The following SDCCAG8 variants were observed in gnomAD, a reference collection of about 807,000 sequenced individuals.
SDCCAG8 encodes serologically defined colon cancer antigen 8.
In SDCCAG8, 74 loss-of-function variants were observed where a neutral mutation model predicts 101.8. That is an observed-to-expected ratio of 0.73 (90% CI 0.60 to 0.88). SDCCAG8 has a LOEUF of 0.88. Among genes scored for constraint, SDCCAG8 ranks in the 40% least tolerant of loss-of-function variants. The pLI, the probability that SDCCAG8 is intolerant of heterozygous loss-of-function variation, is 0.00. For missense variants in SDCCAG8, 787 were observed against 822.6 expected (o/e 0.96, Z 0.53); for synonymous variants, 281 against 292.9 (o/e 0.96, Z 0.41).
intron 16 of SDCCAG8, among the ~76,000 whole-genome samples, chr1:243,485,304 A>G (rs187132572): frequency 9.8e-5 from 15 of 152,318 alleles, no homozygotes; most frequent in Admixed American, 8.5e-4. Context: ...TTTAATTAAG[A>G]TAATTATTGA....
chr1:243,327,305 T>A (rs2074228203), intron 9 of SDCCAG8, among the ~76,000 whole-genome samples: 1 of 146,086 alleles, frequency 6.8e-6, no homozygotes, highest in African/African-American at 2.6e-5. Flanking sequence ...TTATAATTTA[T>A]AATTTTATAG....
intron 17 of SDCCAG8, among the ~76,000 whole-genome samples, chr1:243,496,234 A>G (rs1338198346): frequency 6.6e-6 from 1 of 152,244 alleles, no homozygotes. Context: ...CTCAGGCCAC[A>G]GGATGTGTGG....
chr1:243,414,249 G>T (rs1444725454), intron 13 of SDCCAG8, among the ~76,000 whole-genome samples: 2 of 152,062 alleles, frequency 1.3e-5, no homozygotes, highest in Non-Finnish European at 2.9e-5. Flanking sequence ...CATCTTACAG[G>T]GGGATTGAGT....
intron 13 of SDCCAG8, among the ~76,000 whole-genome samples, chr1:243,382,612 G>A (rs2078027248): frequency 6.6e-6 from 1 of 152,136 alleles, no homozygotes; most frequent in African/African-American, 2.4e-5. Context: ...CTCCTCAGGA[G>A]GCTGTTTAGT....
In SDCCAG8 at chr1:243,458,643, A is replaced by G. The variant is rs924503737; in HGVS notation, c.1986-30371A>G. On this transcript the variant is annotated intron_variant, in intron 16 of 17. Coordinates refer to ENST00000366541, the MANE Select transcript of SDCCAG8 (RefSeq NM_006642.5). This position sits in a 1 kb window ranked among gnomAD's most constrained non-coding sequence, Gnocchi z 4.5. Reference sequence around the variant, plus strand: ...GAAGGTCACACAGCTACTATGTGATAGATGCCAAACGTGAACCTGGGCAGT... The same window carrying G: ...GAAGGTCACACAGCTACTATGTGATGGATGCCAAACGTGAACCTGGGCAGT... 6.6e-6 allele frequency among the ~76,000 whole-genome samples: 1 copy of G among 152,236 alleles called. No individual in the cohort carries two copies. Among genetic ancestry groups the G allele is most frequent in the Admixed American group, 6.5e-5 (1 of 15,288 alleles).
At chr1:243,278,441 G>C (rs757119635) in intron 4 of SDCCAG8, among the ~76,000 whole-genome samples, 1 of 152,176 alleles carries the variant, frequency 6.6e-6, no homozygotes, top group South Asian at 2.1e-4. Flanking sequence ...GGCTGCTCTC[G>C]AACTCCTGAA....
In SDCCAG8 at chr1:243,474,745, G is replaced by A. The variant is rs917260880; in HGVS notation, c.1986-14269G>A. On this transcript the variant is annotated intron_variant, in intron 16 of 17. Transcript: ENST00000366541. The surrounding 1 kb of genome is among the most constrained non-coding windows in gnomAD (Gnocchi z 4.7). ...GGAGCTCCCGGGACGCGGCGTGGCA[G>A]CGCAGGGCTCGGCTAGATGCGCTCC... 5.3e-5 allele frequency among the ~76,000 whole-genome samples: 8 copies of A among 152,250 alleles called. No individual in the cohort carries two copies. Among genetic ancestry groups the A allele is most frequent in the African/African-American group, 1.9e-4 (8 of 41,476 alleles).
chr1:243,295,894 T>C (rs957327198), intron 6 of SDCCAG8, among the ~76,000 whole-genome samples: 2 of 152,242 alleles, frequency 1.3e-5, no homozygotes, highest in East Asian at 3.8e-4. Flanking sequence ...ATTTCTGCAT[T>C]TGTGTGCTCT....
chr1:243,497,402 G>A (rs943226100), intron 17 of SDCCAG8, among the ~76,000 whole-genome samples: 3 of 151,926 alleles, frequency 2.0e-5, no homozygotes, highest in Non-Finnish European at 4.4e-5. Context: ...TGGATATGGG[G>A]CTTCTCACCT....
intron 9 of SDCCAG8, among the ~76,000 whole-genome samples, chr1:243,330,248 C>T (rs2074490658): frequency 6.6e-6 from 1 of 152,010 alleles, no homozygotes; most frequent in Non-Finnish European, 1.5e-5. Flanking sequence ...TTTCTGGTTC[C>T]CTTTTTTAAA....
chr1:243,411,445 T>G (rs1020617373), intron 13 of SDCCAG8, among the ~76,000 whole-genome samples: 10 of 152,142 alleles, frequency 6.6e-5, no homozygotes, highest in African/African-American at 2.4e-4. Context: ...TTGGGGTAAA[T>G]TTAAATATAA....
At chr1:243,268,621 T>G (rs2067825220) in intron 1 of SDCCAG8, among the ~76,000 whole-genome samples, 1 of 152,216 alleles carries the variant, frequency 6.6e-6, no homozygotes, top group Non-Finnish European at 1.5e-5. Context: ...TTTTCTTTTA[T>G]CAAAGTAGAA....
In SDCCAG8 at chr1:243,499,754, A is replaced by G. The variant is rs756661933; in HGVS notation, c.2113-2A>G. The G allele has an allele frequency of 6.2e-7, 1 of 1,610,610 alleles. No homozygotes were observed. The highest frequency in any genetic ancestry group is 1.1e-5 in the South Asian group (1 of 91,000). On this transcript the variant is annotated splice_acceptor_variant, in intron 17 of 17. Coordinates refer to ENST00000366541, the MANE Select transcript of SDCCAG8 (RefSeq NM_006642.5). LOFTEE classifies it high-confidence loss of function. ...AAACTTACTTTTTATTATTTTTTCC[A>G]GTTACCCAGCATGCCACAATCTGAT... is the stretch of plus-strand genomic sequence containing the variant.
chr1:243,260,350 G>T (rs866043864), intron 1 of SDCCAG8, among the ~76,000 whole-genome samples: 2 of 152,208 alleles, frequency 1.3e-5, no homozygotes, highest in African/African-American at 4.8e-5. Context: ...TCTATGGGTA[G>T]TTATAATTCA....
At chr1:243,372,293 T>A (rs957563003) in intron 12 of SDCCAG8, among the ~76,000 whole-genome samples, 10 of 152,122 alleles carry the variant, frequency 6.6e-5, no homozygotes, top group African/African-American at 2.4e-4. Flanking sequence ...TTCTTACTGT[T>A]CTGTAATTTT....
chr1:243,426,271 C>T (rs188573254), intron 15 of SDCCAG8, among the ~76,000 whole-genome samples, 156 bp from the exon 16 acceptor site: 49 of 152,178 alleles, frequency 3.2e-4, no homozygotes, highest in African/African-American at 1.1e-3. Flanking sequence ...ATGTATCTTG[C>T]CATTTCTGAA....
intron 16 of SDCCAG8, among the ~76,000 whole-genome samples, chr1:243,479,389 G>C (rs1403213235): frequency 6.6e-6 from 1 of 152,200 alleles, no homozygotes; most frequent in Non-Finnish European, 1.5e-5. Flanking sequence ...ATGGCCATAT[G>C]TTCTCTGTCG....
intron 13 of SDCCAG8, among the ~76,000 whole-genome samples, chr1:243,390,665 A>G (rs1010583186): frequency 1.3e-5 from 2 of 152,224 alleles, no homozygotes; most frequent in East Asian, 3.9e-4. Flanking sequence ...ACATAGGCCC[A>G]CAGCCTGGAG....
chr1:243,432,535 T>A (rs529311360), intron 16 of SDCCAG8, among the ~76,000 whole-genome samples: 11 of 152,240 alleles, frequency 7.2e-5, no homozygotes, highest in Admixed American at 5.2e-4. Flanking sequence ...TTAAAAGTTT[T>A]AAAAAAATGG....
Sources: allele counts gnomAD v4.1 joint callset (sites outside exome capture counted in the v4.1 genomes callset), GRCh38; gene constraint gnomAD v4.1.1; non-coding constraint Gnocchi (gnomAD v3.1); transcripts MANE v1.5; gene names NCBI Gene and HGNC (gene_info 2026-07-23, HGNC 2026-07-21).